NAV2: variants seen among roughly 807,000 people sequenced by gnomAD.
NAV2 encodes the protein helicase, APC down-regulated 1.
In NAV2, 54 loss-of-function variants were observed where a neutral mutation model predicts 223.2. The ratio of observed to expected loss-of-function variants is 0.24; its 90% confidence interval spans 0.19 to 0.30. The LOEUF (loss-of-function observed/expected upper bound fraction) is 0.30. NAV2 is among the 10% of genes least tolerant of loss of function. The probability of loss-of-function intolerance (pLI) is 1.00; values close to 1 mark genes in which losing one functional copy is unlikely to be tolerated. For missense variants in NAV2, 2,806 were observed against 3,147.5 expected, an observed-to-expected ratio of 0.89 and a Z score of 2.60; for synonymous variants, 1,279 against 1,239.3, an observed-to-expected ratio of 1.03 and a Z score of -0.67.
At chr11:19,772,806 C>T (rs116868963) in intron 1 of NAV2, among the ~76,000 whole-genome samples, 1,820 of 152,302 alleles carry the variant, frequency 0.012, 20 homozygotes, top group South Asian at 0.034. Flanking sequence ...TTCCCCTGGC[C>T]GGCCCCCACC....
At chr11:19,429,410 G>C (rs1850961627) in intron 1 of NAV2, among the ~76,000 whole-genome samples, 1 of 152,188 alleles carries the variant, frequency 6.6e-6, no homozygotes. Context: ...AAAAAGACTG[G>C]CCTGGGGGTC....
rs969387184 is a variant in NAV2 at position 20,118,419 on chromosome 11, G to T, written c.*161G>T. 2 of 758,016 alleles carry T rather than the reference G, an allele frequency of 2.6e-6. No individual in the cohort carries two copies. The highest frequency in any genetic ancestry group is 4.3e-6 in the Non-Finnish European group (2 of 459,836). The allele number at this position is 758,016 out of a possible 1,614,324, so 47.0% of individuals were successfully genotyped here. Reference sequence around the variant, plus strand: ...TCCTTCAGCCTCGACCTGGGTGCAGGCATCCCGGGCCAGCTGCCTGCGGAC... The same window carrying T: ...TCCTTCAGCCTCGACCTGGGTGCAGTCATCCCGGGCCAGCTGCCTGCGGAC... On this transcript the variant is annotated 3_prime_UTR_variant, in exon 38 of 38. Coordinates refer to ENST00000349880, the MANE Select transcript of NAV2 (RefSeq NM_145117.5).
chr11:19,414,256 C>A (rs1439296054), intron 1 of NAV2, among the ~76,000 whole-genome samples: 1 of 151,678 alleles, frequency 6.6e-6, no homozygotes, highest in Non-Finnish European at 1.5e-5. Flanking sequence ...AAAACAAAAA[C>A]CAAACAACCA....
intron 1 of NAV2, among the ~76,000 whole-genome samples, chr11:19,603,564 T>C: frequency 6.8e-6 from 1 of 147,380 alleles, no homozygotes; most frequent in East Asian, 2.0e-4. Context: ...GAGGCGGAGG[T>C]TGCAGTGAGC....
intron 6 of NAV2, among the ~76,000 whole-genome samples, chr11:19,895,104 C>CTTTTTTTTTTTTT (rs71050690): frequency 1.9e-4 from 19 of 99,206 alleles, no homozygotes; most frequent in African/African-American, 2.4e-4. Context: ...CTTTTTCTTT[C>CTTTTTTTTTTTTT]TTTTTTTTTT....
chr11:19,543,771 T>C (rs57939750), intron 1 of NAV2, among the ~76,000 whole-genome samples: 14,402 of 152,236 alleles, frequency 0.095, 815 homozygotes, highest in African/African-American at 0.16. Context: ...TCCTCTCTTG[T>C]CTCACTTGGC....
intron 19 of NAV2, among the ~76,000 whole-genome samples, chr11:20,057,519 C>A (rs1342093970): frequency 6.6e-6 from 1 of 152,136 alleles, no homozygotes; most frequent in Non-Finnish European, 1.5e-5. Context: ...GCTATAACTG[C>A]TCAGAACAGT....
chr11:19,961,373 C>A (rs1239269681), intron 10 of NAV2, among the ~76,000 whole-genome samples: 2 of 152,234 alleles, frequency 1.3e-5, no homozygotes, highest in South Asian at 4.2e-4. Flanking sequence ...TGGAGAATAC[C>A]AAGTTCGAGT....
chr11:19,602,780 C>T (rs1472225744), intron 1 of NAV2, among the ~76,000 whole-genome samples: 3 of 152,168 alleles, frequency 2.0e-5, no homozygotes, highest in South Asian at 4.2e-4. Flanking sequence ...CTCTTCTCTT[C>T]TGAGGACATT....
At position 19,350,895 on chromosome 11, in the gene NAV2, G is replaced by A. The variant is rs1380727282; in HGVS notation, c.-58G>A. On this transcript the variant is annotated 5_prime_UTR_variant, in exon 1 of 38. Transcript: ENST00000360655. ...GCATCACTTTTGTGTGGGTTATTTTGTTCCTCTGTGGATTTGGAAGCATCG... is the reference window on the plus strand; with the variant it reads ...GCATCACTTTTGTGTGGGTTATTTTATTCCTCTGTGGATTTGGAAGCATCG... 2.6e-6 allele frequency: 4 copies of A among 1,521,124 alleles called. No homozygotes were observed. In the Admixed American group the frequency reaches 7.9e-5, roughly 30 times the overall value. The allele number at this position is 1,521,124 out of a possible 1,614,324, so 94.2% of individuals were successfully genotyped here.
chr11:19,663,968 T>A (rs920873315), intron 1 of NAV2, among the ~76,000 whole-genome samples: 1 of 152,186 alleles, frequency 6.6e-6, no homozygotes, highest in Non-Finnish European at 1.5e-5. Context: ...ACTGACAAGA[T>A]TCCTTCCTGC....
intron 1 of NAV2, among the ~76,000 whole-genome samples, chr11:19,385,729 T>C (rs928558157): frequency 1.3e-5 from 2 of 151,142 alleles, no homozygotes; most frequent in Non-Finnish European, 2.9e-5. Flanking sequence ...TGTTTATTTC[T>C]CAACTGCTTT....
intron 1 of NAV2, among the ~76,000 whole-genome samples, chr11:19,783,213 A>C (rs1357955294): frequency 1.3e-5 from 2 of 152,152 alleles, no homozygotes; most frequent in Non-Finnish European, 2.9e-5. Context: ...TCCCGATGTG[A>C]AGTTTCAGGA....
At chr11:19,460,647 C>A (rs1252304377) in intron 1 of NAV2, among the ~76,000 whole-genome samples, 6 of 81,214 alleles carry the variant, frequency 7.4e-5, no homozygotes, top group Non-Finnish European at 1.4e-4. Flanking sequence ...TGGGGCCTGT[C>A]GTGGGGTGGG....
intron 1 of NAV2, among the ~76,000 whole-genome samples, chr11:19,561,102 A>T (rs555291215): frequency 6.6e-6 from 1 of 152,234 alleles, no homozygotes; most frequent in Non-Finnish European, 1.5e-5. Context: ...GACCTCAACC[A>T]TCCCTTCCGA....
At chr11:19,992,493 C>T (rs2051435318) in intron 11 of NAV2, among the ~76,000 whole-genome samples, 1 of 152,034 alleles carries the variant, frequency 6.6e-6, no homozygotes, top group African/African-American at 2.4e-5. Flanking sequence ...CTAATGTTGC[C>T]CAACTTCATA....
rs1403678387 is a variant in NAV2 at position 20,114,550 on chromosome 11, T to G, written c.6961-42T>G. On this transcript the variant is annotated intron_variant, in intron 36 of 37. Transcript: ENST00000349880. ...TGCAAAACTGGGGCTACGAGAGAGA[T>G]CTGGGCCACTTCCAGACTGTTCCTT... is the stretch of plus-strand genomic sequence containing the variant. The G allele has an allele frequency of 1.9e-6, 3 of 1,595,154 alleles. No individual in the cohort carries two copies. In the Admixed American group the frequency reaches 5.0e-5, roughly 27 times the overall value.
chr11:19,844,757 A>G (rs77495069), intron 3 of NAV2, among the ~76,000 whole-genome samples: 2,231 of 151,714 alleles, frequency 0.015, 63 homozygotes, highest in African/African-American at 0.051. Flanking sequence ...CAGTTTCTCT[A>G]TAACTCTTTC....
chr11:19,621,008 A>G (rs190318314), intron 1 of NAV2, among the ~76,000 whole-genome samples: 30 of 152,292 alleles, frequency 2.0e-4, no homozygotes, highest in Non-Finnish European at 4.0e-4. Context: ...TTCTGCATCT[A>G]TTGAGATAAT....
Sources: gnomAD v4.1 joint callset for allele counts (sites outside exome capture counted in the v4.1 genomes callset) on GRCh38, gnomAD v4.1.1 for gene constraint, MANE v1.5 for transcripts, NCBI Gene and HGNC (gene_info 2026-07-23, HGNC 2026-07-21) for gene names.